The following PLXDC1 variants were observed in gnomAD, a reference collection of about 807,000 sequenced individuals.
The protein encoded by PLXDC1 is plexin domain containing 1.
PLXDC1 carries 39 observed loss-of-function variants against 61.3 expected under a neutral mutation model. That is an observed-to-expected ratio of 0.64 (90% CI 0.49 to 0.83). The LOEUF (loss-of-function observed/expected upper bound fraction) is 0.83, where lower values mean the gene tolerates loss of function less well. Among genes scored for constraint, PLXDC1 ranks in the 40% least tolerant of loss-of-function variants. The pLI is 0.00. For synonymous variants in PLXDC1, 212 were observed against 254.5 expected, an observed-to-expected ratio of 0.83 and a Z score of 1.59; for missense variants, 596 against 666.5, an observed-to-expected ratio of 0.89 and a Z score of 1.17.
chr17:39,074,395 C>G (rs74842125), intron 11 of PLXDC1, among the ~76,000 whole-genome samples: 3,495 of 151,964 alleles, frequency 0.023, 126 homozygotes, highest in African/African-American at 0.076. Context: ...GCCACCTCTT[C>G]CAGGACTGGA....
At position 39,072,426 on chromosome 17, in the gene PLXDC1, G is replaced by A. The variant is rs1358134609; in HGVS notation, c.1222+24C>T. 13 of 1,530,994 alleles carry A rather than the reference G, an allele frequency of 8.5e-6. No homozygotes were observed. The Admixed American group carries it at 2.5e-4, about 30-fold the overall frequency. The allele number at this position is 1,530,994 out of a possible 1,614,324, so 94.8% of individuals were successfully genotyped here. A position where few individuals can be genotyped will look rare whatever the true frequency, so the allele number is the denominator to read the frequency against. ...TCCAAGAGGCGCTGGGTCTGACGCTGAGGGCAGGCAGTTCTGTACTCACCG... is the reference window on the plus strand; with the variant it reads ...TCCAAGAGGCGCTGGGTCTGACGCTAAGGGCAGGCAGTTCTGTACTCACCG... On this transcript the variant is annotated intron_variant, in intron 12 of 13. Coordinates refer to ENST00000315392, the MANE Select transcript of PLXDC1 (RefSeq NM_020405.5).
chr17:39,115,033 C>G (rs1349533897), intron 2 of PLXDC1, among the ~76,000 whole-genome samples: 1 of 152,188 alleles, frequency 6.6e-6, no homozygotes, highest in African/African-American at 2.4e-5. Flanking sequence ...TCTTCCTGGC[C>G]CGTTGCTCGG....
chr17:39,076,277 G>T (rs1909331733), intron 11 of PLXDC1, among the ~76,000 whole-genome samples: 1 of 151,980 alleles, frequency 6.6e-6, no homozygotes, highest in South Asian at 2.1e-4. Flanking sequence ...TGGAGGCTGA[G>T]GCAGGAGGAT....
chr17:39,067,590 G>C lies in PLXDC1; in HGVS notation c.*250C>G. On this transcript the variant is annotated 3_prime_UTR_variant, in exon 14 of 14. Coordinates refer to ENST00000315392, the MANE Select transcript of PLXDC1 (RefSeq NM_020405.5). ...TGTTTCATGGTTACAAGACACAGAAGAGAACCCTTGCATCAAAACAGGATG... is the reference window on the plus strand; with the variant it reads ...TGTTTCATGGTTACAAGACACAGAACAGAACCCTTGCATCAAAACAGGATG... The C allele has an allele frequency of 2.4e-6, 1 of 422,252 alleles. No homozygotes were observed. Among genetic ancestry groups the C allele is most frequent in the East Asian group, 3.8e-5 (1 of 26,380 alleles). The allele number at this position is 422,252 out of a possible 1,614,324, so 26.2% of individuals were successfully genotyped here.
chr17:39,105,807 G>A (rs374094648), intron 7 of PLXDC1, 47 bp downstream of exon 7: 4 of 1,222,422 alleles, frequency 3.3e-6, no homozygotes, highest in Admixed American at 1.8e-5. Flanking sequence ...CAGTCTGAGC[G>A]GAGTCCTACC....
chr17:39,106,653 T>TC (rs1328701508), intron 6 of PLXDC1, among the ~76,000 whole-genome samples: 1 of 90,568 alleles, frequency 1.1e-5, no homozygotes, highest in African/African-American at 8.6e-5. Flanking sequence ...TTTTTCTTTC[T>TC]TTTTTTTTTT....
At chr17:39,145,815 A>T (rs1039355429) in intron 1 of PLXDC1, among the ~76,000 whole-genome samples, 1 of 152,136 alleles carries the variant, frequency 6.6e-6, no homozygotes, top group African/African-American at 2.4e-5. Context: ...TAACTACAAC[A>T]TTGGACAAAT....
intron 7 of PLXDC1, among the ~76,000 whole-genome samples, chr17:39,089,988 G>T (rs1172988364): frequency 2.6e-5 from 4 of 151,972 alleles, no homozygotes; most frequent in Non-Finnish European, 2.9e-5. Flanking sequence ...TGGTAGAGAG[G>T]GGGTTTCACC....
Position 39,067,660 on chromosome 17 carries a change from TGGCCCCC to T in PLXDC1, c.*173_*179del. On this transcript the variant is annotated 3_prime_UTR_variant, in exon 14 of 14. Transcript: ENST00000315392. ...ATAAAAAATCCATGTGGTTGTTTTT[TGGCCCCC>T]TCTTCAATATTCGGGGTGTGCTGAC... is the stretch of plus-strand genomic sequence containing the variant. 1.8e-6 allele frequency: 1 copy of T among 553,984 alleles called. No homozygotes were observed. The highest frequency in any genetic ancestry group is 3.2e-6 in the Non-Finnish European group (1 of 313,840). The allele number at this position is 553,984 out of a possible 1,614,324, so 34.3% of individuals were successfully genotyped here. A position where few individuals can be genotyped will look rare whatever the true frequency, so the allele number is the denominator to read the frequency against.
rs566372894 is a variant in PLXDC1 at position 39,122,632 on chromosome 17, C to A, written c.256-13241G>T. Among the ~76,000 whole-genome samples the A allele has an allele frequency of 1.8e-3, 274 of 152,268 alleles. 1 individual carries two copies. Among genetic ancestry groups the A allele is most frequent in the Non-Finnish European group, 3.1e-3 (212 of 68,030 alleles). On this transcript the variant is annotated intron_variant, in intron 2 of 13. Transcript: ENST00000315392. ...TGCGGAGACCTTGCCTGGCAGTGAA[C>A]CTTCCCAAGGAATTCACACAATTCA...
intron 7 of PLXDC1, among the ~76,000 whole-genome samples, chr17:39,100,794 GCAGC>G (rs1486572706): frequency 6.6e-6 from 1 of 152,262 alleles, no homozygotes; most frequent in Non-Finnish European, 1.5e-5. Flanking sequence ...GATGCTGCCT[GCAGC>G]CATGGAGCCA....
chr17:39,123,304 C>G (rs1372274903), intron 2 of PLXDC1, among the ~76,000 whole-genome samples: 2 of 152,186 alleles, frequency 1.3e-5, no homozygotes, highest in African/African-American at 4.8e-5. Flanking sequence ...GATTCTACTG[C>G]CTCAGCCTCC....
chr17:39,109,641 C>G (rs1290855100), intron 2 of PLXDC1, among the ~76,000 whole-genome samples: 3 of 152,196 alleles, frequency 2.0e-5, no homozygotes, highest in Non-Finnish European at 4.4e-5. Flanking sequence ...ACGCCTGCTG[C>G]CCTCATGCTC....
intron 7 of PLXDC1, chr17:39,096,979 G>T (rs1353227380): frequency 4.2e-6 from 2 of 471,178 alleles, no homozygotes; most frequent in Admixed American, 4.7e-5. Context: ...AAAGCCTGCG[G>T]AAGAGTTTAT....
At chr17:39,107,787 C>T (rs999248166) in intron 5 of PLXDC1, 1 of 572,700 alleles carries the variant, frequency 1.7e-6, no homozygotes, top group African/African-American at 1.9e-5. Flanking sequence ...TATTCTGACT[C>T]CTTGAGATAA....
chr17:39,144,042 G>A (rs72823329), intron 1 of PLXDC1, among the ~76,000 whole-genome samples: 6,252 of 152,292 alleles, frequency 0.041, 184 homozygotes, highest in Non-Finnish European at 0.059. Flanking sequence ...GGGGCTCAGC[G>A]GCCCAGAGAG....
chr17:39,137,896 G>T (rs1463132604), intron 2 of PLXDC1, among the ~76,000 whole-genome samples: 2 of 152,120 alleles, frequency 1.3e-5, no homozygotes, highest in South Asian at 4.2e-4. Context: ...TTCTCGGGGG[G>T]ATAAAGGAAC....
At chr17:39,125,881 A>T (rs1911296633) in intron 2 of PLXDC1, among the ~76,000 whole-genome samples, 1 of 152,086 alleles carries the variant, frequency 6.6e-6, no homozygotes, top group Non-Finnish European at 1.5e-5. Context: ...ACTGTGATGA[A>T]CTTGTTGATA....
chr17:39,146,620 T>C (rs1335447591), intron 1 of PLXDC1, among the ~76,000 whole-genome samples: 4 of 151,808 alleles, frequency 2.6e-5, no homozygotes, highest in Non-Finnish European at 5.9e-5. Flanking sequence ...GAGATCAGCC[T>C]GGGCAACATG....
Sources: gnomAD v4.1 joint callset for allele counts (sites outside exome capture counted in the v4.1 genomes callset) on GRCh38, gnomAD v4.1.1 for gene constraint, MANE v1.5 for transcripts, NCBI Gene and HGNC (gene_info 2026-07-23, HGNC 2026-07-21) for gene names.